The following SLC23A2 variants were observed in gnomAD, a reference collection of about 807,000 sequenced individuals.
The protein encoded by SLC23A2 is Na(+)/L-ascorbic acid transporter 2.
SLC23A2 carries 36 observed loss-of-function variants against 73.3 expected under a neutral mutation model. The ratio of observed to expected loss-of-function variants is 0.49; its 90% CI spans 0.38 to 0.65. SLC23A2 has a LOEUF of 0.65. SLC23A2 is among the 30% of genes least tolerant of loss of function. The pLI is 0.00. For synonymous variants in SLC23A2, 343 were observed against 327.3 expected (o/e 1.05, Z -0.52); for missense variants, 507 against 841.6 (o/e 0.60, Z 4.92).
intron 1 of SLC23A2, among the ~76,000 whole-genome samples, chr20:4,996,685 CA>C (rs1555809857): frequency 0.15 from 8,275 of 54,600 alleles, 100 homozygotes; most frequent in East Asian, 0.3. Context: ...GATTCCATCT[CA>C]AAAAAAAAAA....
chr20:4,965,197 C>T (rs1401910638), intron 2 of SLC23A2, among the ~76,000 whole-genome samples: 1 of 152,046 alleles, frequency 6.6e-6, no homozygotes, highest in Non-Finnish European at 1.5e-5. Flanking sequence ...TTCCTGGTAA[C>T]CAGGAGCCTA....
At chr20:4,919,738 G>A (rs1174946736) in intron 3 of SLC23A2, among the ~76,000 whole-genome samples, 11 of 152,094 alleles carry the variant, frequency 7.2e-5, no homozygotes, top group African/African-American at 2.2e-4. Context: ...CTGAGGCCAC[G>A]CAGCACATTA....
At chr20:5,003,539 T>G (rs1461901558), upstream of SLC23A2, among the ~76,000 whole-genome samples, 5 of 151,162 alleles carry the variant, frequency 3.3e-5, no homozygotes, top group Non-Finnish European at 5.9e-5. Flanking sequence ...TAATACGATG[T>G]GTTTGCTTAG....
At chr20:4,889,246 T>C (rs376897531) in intron 6 of SLC23A2, among the ~76,000 whole-genome samples, 10 of 152,060 alleles carry the variant, frequency 6.6e-5, no homozygotes, top group African/African-American at 2.4e-4. Context: ...TGGGGGATTA[T>C]GGGTATTCCG....
intron 2 of SLC23A2, among the ~76,000 whole-genome samples, chr20:4,942,339 A>G (rs956665908): frequency 2.9e-4 from 44 of 149,708 alleles, no homozygotes; most frequent in African/African-American, 1.0e-3. Flanking sequence ...GTTAAAAATC[A>G]CTACCTTAAA....
intron 1 of SLC23A2, among the ~76,000 whole-genome samples, chr20:4,993,935 C>A (rs2087973436): frequency 6.6e-6 from 1 of 152,002 alleles, no homozygotes; most frequent in Non-Finnish European, 1.5e-5. Context: ...ACAAAAAATA[C>A]AACAATTAGT....
Position 4,912,893 on chromosome 20 carries a change from C to T in SLC23A2, c.194G>A (p.Gly65Asp). ...ELMAIYTTEN[G>D]IAEKSSLAET... ...CGGAAGGGGTACCTTTTCTGCAATG[C>T]CGTTTTCCGTAGTGTAGATCGCCAT... The change falls in exon 4 of 17, where the codon GGC (glycine) becomes GAC (aspartate). Residue 65 changes from glycine to aspartate, a missense_variant. This residue lies in a region of SLC23A2 where 78 missense variants were observed against 86.7 expected (regional missense o/e 0.90). Transcript: ENST00000338244. 2.5e-6 allele frequency: 4 copies of T among 1,609,920 alleles called. No individual in the cohort carries two copies. The highest frequency in any genetic ancestry group is 3.4e-6 in the Non-Finnish European group (4 of 1,176,308).
intron 9 of SLC23A2, among the ~76,000 whole-genome samples, chr20:4,881,278 C>T (rs1245060673): frequency 1.3e-5 from 2 of 152,078 alleles, no homozygotes; most frequent in Non-Finnish European, 2.9e-5. Context: ...CTGTAAGTAT[C>T]GAGTTTACAG....
At chr20:4,908,799 A>G (rs1312593210) in intron 4 of SLC23A2, among the ~76,000 whole-genome samples, 2 of 152,178 alleles carry the variant, frequency 1.3e-5, no homozygotes, top group Non-Finnish European at 2.9e-5. Context: ...GTGGTGGTGC[A>G]CGCCTGTGAT....
In SLC23A2 at chr20:4,867,845, A is replaced by G. The variant is rs1930266626; in HGVS notation, c.1281T>C (p.Val427=). Residue 427 remains valine (V), a synonymous_variant, in exon 13 of 17, where the codon GTT becomes GTC. Transcript: ENST00000338244. ...RGIFVEGLSC[V]LDGIFGTGNG... ...TCCCAGTACCAAATATGCCATCAAG[A>G]ACACAGGAGAGGCCTTCCACGAAAA... 6.2e-7 allele frequency: 1 copy of G among 1,610,436 alleles called. No homozygotes were observed. Among genetic ancestry groups the G allele is most frequent in the Admixed American group, 1.7e-5 (1 of 59,934 alleles).
chr20:4,940,825 G>C (rs564614526), intron 2 of SLC23A2, among the ~76,000 whole-genome samples: 3 of 152,130 alleles, frequency 2.0e-5, no homozygotes, highest in Non-Finnish European at 4.4e-5. Context: ...CAGGGACTTG[G>C]GGGGGCGGTC....
At chr20:4,991,929 G>A (rs1255887128) in intron 1 of SLC23A2, among the ~76,000 whole-genome samples, 1 of 152,000 alleles carries the variant, frequency 6.6e-6, no homozygotes, top group Non-Finnish European at 1.5e-5. Context: ...GGCCAACATG[G>A]TGAAACTCTG....
chr20:4,908,049 A>G (rs887909432), intron 4 of SLC23A2, among the ~76,000 whole-genome samples: 3 of 152,084 alleles, frequency 2.0e-5, no homozygotes, highest in Non-Finnish European at 4.4e-5. Flanking sequence ...TGCTAAGAGG[A>G]AAAAAAAGAT....
intron 6 of SLC23A2, among the ~76,000 whole-genome samples, chr20:4,892,525 T>TA (rs773286671): frequency 1.3e-5 from 2 of 152,222 alleles, no homozygotes; most frequent in Non-Finnish European, 2.9e-5. Context: ...AATTCCTTTT[T>TA]AGTTAAGTGG....
chr20:4,859,137 G>A, intron 16 of SLC23A2, 152 bp downstream of exon 16: 1 of 607,200 alleles, frequency 1.6e-6, no homozygotes. Context: ...GAGGCTGGGA[G>A]TGCCATCACA....
At chr20:4,911,227 T>A (rs568472647) in intron 4 of SLC23A2, among the ~76,000 whole-genome samples, 2 of 152,246 alleles carry the variant, frequency 1.3e-5, no homozygotes, top group Admixed American at 6.5e-5. Flanking sequence ...GCACTAACCT[T>A]TGGGGAGCAG....
chr20:4,991,541 G>A (rs2087922039), intron 1 of SLC23A2, among the ~76,000 whole-genome samples: 1 of 152,044 alleles, frequency 6.6e-6, no homozygotes, highest in African/African-American at 2.4e-5. Context: ...GACCAATACG[G>A]TGAAACCCCA....
chr20:4,900,621 T>C (rs1226841053), intron 5 of SLC23A2, among the ~76,000 whole-genome samples: 1 of 152,230 alleles, frequency 6.6e-6, no homozygotes, highest in Non-Finnish European at 1.5e-5. Flanking sequence ...TCTTTTTCTG[T>C]GAGCTGGCAT....
chr20:4,900,839 T>A (rs1314024319), intron 5 of SLC23A2, among the ~76,000 whole-genome samples: 2 of 152,192 alleles, frequency 1.3e-5, no homozygotes, highest in Non-Finnish European at 2.9e-5. Flanking sequence ...CTTATTTCTG[T>A]TCTGCAAACT....
Sources: allele counts gnomAD v4.1 joint callset (sites outside exome capture counted in the v4.1 genomes callset), GRCh38; gene constraint gnomAD v4.1.1; regional missense constraint gnomAD v4.1.1; transcripts MANE v1.5; gene names NCBI Gene and HGNC (gene_info 2026-07-23, HGNC 2026-07-21).